Variants in NELL1 observed in about 807,000 individuals in gnomAD.
The protein encoded by NELL1 is neural EGFL like 1, also known as protein kinase C-binding protein NELL1.
NELL1 carries 76 observed loss-of-function variants against 107.4 expected under a neutral mutation model. The observed-to-expected ratio is 0.71, with a 90% CI of 0.59 to 0.86. NELL1 has a LOEUF of 0.86. NELL1 is among the 40% of genes least tolerant of loss of function. The pLI, the probability that NELL1 is intolerant of heterozygous loss-of-function variation, is 0.00. For synonymous variants in NELL1, 353 were observed against 341.2 expected (o/e 1.03, Z -0.38); for missense variants, 1,024 against 1,005.5 (o/e 1.02, Z -0.25).
intron 17 of NELL1, among the ~76,000 whole-genome samples, chr11:21,563,677 G>A (rs748041854): frequency 3.3e-5 from 5 of 152,080 alleles, no homozygotes; most frequent in Middle Eastern, 3.4e-3. Flanking sequence ...CAAATACTAT[G>A]CCATTTTATA....
At chr11:20,689,828 A>G (rs1284381632) in intron 2 of NELL1, among the ~76,000 whole-genome samples, 1 of 151,370 alleles carries the variant, frequency 6.6e-6, no homozygotes, top group Non-Finnish European at 1.5e-5. Flanking sequence ...GTCAAATGGT[A>G]TTTCTAGTTC....
intron 5 of NELL1, among the ~76,000 whole-genome samples, chr11:20,892,928 CAAAAA>C (rs35992813): frequency 1.0e-5 from 1 of 98,396 alleles, no homozygotes. Context: ...GACTGTGTCT[CAAAAA>C]AAAAAAAAAA....
chr11:21,301,231 A>G (rs1849485197), intron 14 of NELL1, among the ~76,000 whole-genome samples: 1 of 152,176 alleles, frequency 6.6e-6, no homozygotes, highest in Non-Finnish European at 1.5e-5. Context: ...TTATAGCAGC[A>G]TGATTTATAA....
At chr11:21,483,878 C>T (rs936955631) in intron 15 of NELL1, among the ~76,000 whole-genome samples, 103 of 142,068 alleles carry the variant, frequency 7.3e-4, no homozygotes, top group Non-Finnish European at 1.2e-3. Context: ...AACACACACA[C>T]ACACACATAT....
In NELL1 at chr11:20,743,257, G is replaced by A. The variant is rs138784420; in HGVS notation, c.185-40423G>A. 1.4e-3 allele frequency among the ~76,000 whole-genome samples: 213 copies of A among 152,096 alleles called. 1 individual carries two copies. The highest frequency in any genetic ancestry group is 5.0e-3 in the African/African-American group (207 of 41,492). On this transcript the variant is annotated intron_variant, in intron 2 of 19. Transcript: ENST00000357134. ...TAATCCTAGCTACTTGGGAGACTGA[G>A]GTGGGACAATCCTTGAACCCGGGGG...
intron 13 of NELL1, among the ~76,000 whole-genome samples, chr11:21,197,256 A>G (rs1457258278): frequency 6.6e-6 from 1 of 151,654 alleles, no homozygotes; most frequent in Non-Finnish European, 1.5e-5. Flanking sequence ...ACATAAAAAC[A>G]TGAGTAAGTT....
At chr11:21,090,410 C>G (rs1348691572) in intron 12 of NELL1, among the ~76,000 whole-genome samples, 5 of 152,078 alleles carry the variant, frequency 3.3e-5, no homozygotes, top group Admixed American at 3.3e-4. Flanking sequence ...GTTTATTTCT[C>G]TAGTTCTAAC....
intron 5 of NELL1, among the ~76,000 whole-genome samples, chr11:20,896,498 G>T (rs374340164): frequency 6.6e-6 from 1 of 152,116 alleles, no homozygotes; most frequent in African/African-American, 2.4e-5. Flanking sequence ...CCAGTAGTGG[G>T]ATTGCTGGAT....
intron 15 of NELL1, among the ~76,000 whole-genome samples, chr11:21,417,990 T>C (rs947446811): frequency 6.6e-6 from 1 of 152,144 alleles, no homozygotes; most frequent in Non-Finnish European, 1.5e-5. Flanking sequence ...CCAAGCACTA[T>C]GCAAATTCTT....
chr11:21,178,761 C>CT (rs1200980573), intron 13 of NELL1, among the ~76,000 whole-genome samples: 5 of 127,662 alleles, frequency 3.9e-5, no homozygotes, highest in Non-Finnish European at 8.3e-5. Flanking sequence ...GAGAACTTGT[C>CT]TTAAAAAAAA....
intron 7 of NELL1, among the ~76,000 whole-genome samples, chr11:20,923,515 C>T (rs1049575746): frequency 1.3e-5 from 2 of 152,166 alleles, no homozygotes; most frequent in Admixed American, 6.5e-5. Flanking sequence ...ATCAGCCACT[C>T]CCCTGGCTTA....
At chr11:21,016,421 G>A (rs1221399263) in intron 12 of NELL1, among the ~76,000 whole-genome samples, 1 of 151,952 alleles carries the variant, frequency 6.6e-6, no homozygotes, top group Admixed American at 6.6e-5. Context: ...CCCAAGCAGG[G>A]CACCTCAGGT....
At chr11:21,227,483 G>T (rs1193769206) in intron 13 of NELL1, among the ~76,000 whole-genome samples, 1 of 152,116 alleles carries the variant, frequency 6.6e-6, no homozygotes, top group Non-Finnish European at 1.5e-5. Context: ...TCCCAGTACA[G>T]AACATAATAA....
intron 4 of NELL1, among the ~76,000 whole-genome samples, chr11:20,865,622 C>T (rs1849082015): frequency 6.6e-6 from 1 of 152,124 alleles, no homozygotes; most frequent in South Asian, 2.1e-4. Context: ...ATCTATTCCC[C>T]TGTCTTCTTC....
intron 12 of NELL1, among the ~76,000 whole-genome samples, chr11:20,965,549 C>A (rs2063913): frequency 2.0e-5 from 3 of 152,044 alleles, no homozygotes; most frequent in Non-Finnish European, 2.9e-5. Context: ...GGCACTAAGC[C>A]TAATAATGTA....
intron 5 of NELL1, among the ~76,000 whole-genome samples, chr11:20,896,947 T>C (rs539871555): frequency 7.0e-4 from 106 of 152,304 alleles, no homozygotes; most frequent in African/African-American, 2.3e-3. Context: ...TCCATGCTCA[T>C]GGGTAGGAAG....
At chr11:21,517,635 G>A (rs577999774) in intron 15 of NELL1, among the ~76,000 whole-genome samples, 4 of 152,208 alleles carry the variant, frequency 2.6e-5, no homozygotes, top group Admixed American at 1.3e-4. Context: ...GGATTTAGAC[G>A]TTCTTAGTCA....
At chr11:21,174,706 T>C (rs1256319546) in intron 13 of NELL1, among the ~76,000 whole-genome samples, 2 of 151,722 alleles carry the variant, frequency 1.3e-5, no homozygotes, top group African/African-American at 2.4e-5. Flanking sequence ...TTCTTAGTCA[T>C]TTTTGTGTCA....
intron 2 of NELL1, among the ~76,000 whole-genome samples, chr11:20,782,415 G>A (rs2133981091): frequency 6.6e-6 from 1 of 152,280 alleles, no homozygotes; most frequent in South Asian, 2.1e-4. Context: ...GTTCTTTTCT[G>A]TGTTATAAAA....
Sources: gnomAD v4.1 joint callset for allele counts (sites outside exome capture counted in the v4.1 genomes callset) on GRCh38, gnomAD v4.1.1 for gene constraint, MANE v1.5 for transcripts, NCBI Gene and HGNC (gene_info 2026-07-23, HGNC 2026-07-21) for gene names.